HELZ: variants seen among roughly 807,000 people sequenced by gnomAD.
HELZ encodes ATP-dependent RNA helicase with zinc finger domain.
A neutral mutation model predicts 218.2 loss-of-function variants in HELZ; 23 were observed. The observed-to-expected ratio is 0.11, with a 90% CI of 0.08 to 0.15. The LOEUF (loss-of-function observed/expected upper bound fraction) is 0.15. Among genes scored for constraint, HELZ ranks in the 10% least tolerant of loss-of-function variants. The pLI, the probability that HELZ is intolerant of heterozygous loss-of-function variation, is 1.00. For missense variants in HELZ, 1,813 were observed against 2,353.7 expected, an observed-to-expected ratio of 0.77 and a Z score of 4.75; for synonymous variants, 814 against 829.4, an observed-to-expected ratio of 0.98 and a Z score of 0.32.
At chr17:67,097,126 A>G (rs2036773225) in intron 31 of HELZ, among the ~76,000 whole-genome samples, 1 of 152,220 alleles carries the variant, frequency 6.6e-6, no homozygotes, top group African/African-American at 2.4e-5. Flanking sequence ...GTGATGGGGG[A>G]ACAGCAAGTC....
intron 23 of HELZ, among the ~76,000 whole-genome samples, chr17:67,129,698 A>T (rs2037917089): frequency 6.6e-6 from 1 of 152,174 alleles, no homozygotes; most frequent in Non-Finnish European, 1.5e-5. Flanking sequence ...TTCTTAATCA[A>T]ATTCATAAGT....
At chr17:67,219,491 A>G (rs891161922) in intron 3 of HELZ, among the ~76,000 whole-genome samples, 5 of 152,266 alleles carry the variant, frequency 3.3e-5, no homozygotes, top group Non-Finnish European at 7.3e-5. Context: ...TAAAGGCATG[A>G]GCTGATTGCA....
In HELZ at chr17:67,188,190, A is replaced by T. The variant is rs1454285659; in HGVS notation, c.1162+129T>A. The T allele has an allele frequency of 1.6e-5, 13 of 830,342 alleles. No individual in the cohort carries two copies. Among genetic ancestry groups the T allele is most frequent in the Non-Finnish European group, 2.3e-5 (12 of 530,348 alleles). The allele number at this position is 830,342 out of a possible 1,614,324, so 51.4% of individuals were successfully genotyped here. On this transcript the variant is annotated intron_variant, in intron 12 of 32. Coordinates refer to ENST00000358691, the MANE Select transcript of HELZ (RefSeq NM_014877.4). The surrounding 1 kb of genome is among the most constrained non-coding windows in gnomAD (Gnocchi z 4.1). ...AAGCCCATTACACAGTAAATGAGTC[A>T]ATTAAGTTGGGATTTTTTTCTTTAT...
chr17:67,181,112 T>C (rs888564201), intron 12 of HELZ, among the ~76,000 whole-genome samples: 2 of 152,110 alleles, frequency 1.3e-5, no homozygotes, highest in African/African-American at 4.8e-5. Flanking sequence ...CTATTTAGTA[T>C]GTAGCTTTTA....
intron 3 of HELZ, among the ~76,000 whole-genome samples, chr17:67,220,656 A>C (rs931428421): frequency 4.6e-5 from 7 of 151,698 alleles, no homozygotes; most frequent in Non-Finnish European, 1.0e-4. Context: ...CTAAATCGTT[A>C]TTTTATTTTA....
At chr17:67,116,488 C>G (rs964484001) in intron 27 of HELZ, among the ~76,000 whole-genome samples, 1 of 148,508 alleles carries the variant, frequency 6.7e-6, no homozygotes, top group Non-Finnish European at 1.5e-5. Flanking sequence ...TAAAAATACA[C>G]ACACACACAC....
At chr17:67,137,885 A>T in intron 22 of HELZ, 46 bp downstream of exon 22, 1 of 1,398,600 alleles carries the variant, frequency 7.2e-7, no homozygotes, top group Non-Finnish European at 9.9e-7. Context: ...AACACACTTT[A>T]GATTTAAGCA....
chr17:67,245,626 A>C (rs1002675075), upstream of HELZ: 1 of 711,978 alleles, frequency 1.4e-6, no homozygotes, highest in Non-Finnish European at 1.7e-6. Context: ...GAAGCCCGCG[A>C]GCGGCCGGGG....
At chr17:67,244,752 G>C in intron 1 of HELZ, 1 of 984,566 alleles carries the variant, frequency 1.0e-6, no homozygotes, top group Non-Finnish European at 1.2e-6. Context: ...AGGCCCGCAC[G>C]CTCCCCACCC....
At chr17:67,193,223 T>C (rs2039941294) in intron 9 of HELZ, among the ~76,000 whole-genome samples, 1 of 151,312 alleles carries the variant, frequency 6.6e-6, no homozygotes, top group Non-Finnish European at 1.5e-5. Context: ...CACACGCCTG[T>C]AGTCCCAGCT....
At chr17:67,143,616 CA>C (rs202021486) in intron 21 of HELZ, among the ~76,000 whole-genome samples, 1,949 of 145,006 alleles carry the variant, frequency 0.013, 14 homozygotes, top group Non-Finnish European at 0.018. Context: ...CTCAAAAAAA[CA>C]AAGAAAAAAA....
chr17:67,124,441 T>C lies in HELZ; in HGVS notation c.3388-427A>G, dbSNP rs539754326. On this transcript the variant is annotated intron_variant, in intron 24 of 32. Transcript: ENST00000358691. The stretch of plus-strand genomic sequence containing the variant: ...TTCAAGATGAGAACCTTTAACGGAA[T>C]AAAAAGAATGCAAATATGGCTTAGG... 2.6e-5 allele frequency among the ~76,000 whole-genome samples: 4 copies of C among 152,230 alleles called. No homozygotes were observed. The South Asian group carries it at 8.3e-4, about 32-fold the overall frequency.
chr17:67,149,718 C>T (rs900386932), intron 19 of HELZ, 149 bp downstream of exon 19: 2 of 410,828 alleles, frequency 4.9e-6, no homozygotes, highest in Non-Finnish European at 8.6e-6. Flanking sequence ...TCAGAAATAA[C>T]AGTATTTTTC....
In HELZ at chr17:67,077,535, A is replaced by C. The variant is rs2036049889; in HGVS notation, c.*717T>G. 6.6e-6 allele frequency: 1 copy of C among 152,500 alleles called. No homozygotes were observed. The highest frequency in any genetic ancestry group is 2.4e-5 in the African/African-American group (1 of 41,452). 9.4% of individuals were successfully genotyped at this position (152,500 alleles called of 1,614,324 possible). A position where few individuals can be genotyped will look rare whatever the true frequency, so the allele number is the denominator to read the frequency against. On this transcript the variant is annotated 3_prime_UTR_variant, in exon 33 of 33. Transcript: ENST00000358691. ...AAATTAACATTAAAAACAAGCTTGA[A>C]GTGTAGCTTGTCCAAAAAATAACTA...
At chr17:67,176,675 A>C (rs1567865715) in intron 13 of HELZ, 1 of 152,186 alleles carries the variant, frequency 6.6e-6, no homozygotes, top group African/African-American at 2.4e-5. Context: ...CATCTCTACA[A>C]AAAATACAAA....
At chr17:67,124,914 T>A (rs1399881749) in intron 24 of HELZ, among the ~76,000 whole-genome samples, 1 of 152,046 alleles carries the variant, frequency 6.6e-6, no homozygotes, top group Non-Finnish European at 1.5e-5. Flanking sequence ...AAGTAACACG[T>A]ATCAAGCCAA....
Position 67,070,545 on chromosome 17 carries a change from T to G in HELZ, c.*7707A>C, listed in dbSNP as rs891041317. On this transcript the variant is annotated 3_prime_UTR_variant, in exon 33 of 33. Coordinates refer to ENST00000358691, the MANE Select transcript of HELZ (RefSeq NM_014877.4). ...AAACAAAAGAACTTCACTGAGACAA[T>G]GAGCACACTGTAGGAACTGTAGACC... 1 of 152,174 alleles carries G rather than the reference T, an allele frequency of 6.6e-6. No homozygotes were observed. Among genetic ancestry groups the G allele is most frequent in the African/African-American group, 2.4e-5 (1 of 41,444 alleles). The allele number at this position is 152,174 out of a possible 1,614,324, so 9.4% of individuals were successfully genotyped here. A position where few individuals can be genotyped will look rare whatever the true frequency, so the allele number is the denominator to read the frequency against.
chr17:67,141,481 G>A (rs1418676759), intron 21 of HELZ, among the ~76,000 whole-genome samples: 2 of 151,464 alleles, frequency 1.3e-5, no homozygotes, highest in Admixed American at 6.6e-5. Context: ...TTATATATAG[G>A]TATATTATAT....
chr17:67,135,165 T>C (rs1567829806), intron 23 of HELZ, among the ~76,000 whole-genome samples: 2 of 152,170 alleles, frequency 1.3e-5, no homozygotes, highest in African/African-American at 2.4e-5. Flanking sequence ...TAAAGTCTAA[T>C]GAATACTAAT....
Sources: gnomAD v4.1 joint callset for allele counts (sites outside exome capture counted in the v4.1 genomes callset) on GRCh38, gnomAD v4.1.1 for gene constraint, Gnocchi (gnomAD v3.1) non-coding constraint, MANE v1.5 for transcripts, NCBI Gene and HGNC (gene_info 2026-07-23, HGNC 2026-07-21) for gene names.